The following BMPER variants were observed in gnomAD, a reference collection of about 807,000 sequenced individuals.
The protein encoded by BMPER is BMP binding endothelial regulator, also known as BMP-binding endothelial regulator protein.
Under a neutral mutation model 87.3 loss-of-function variants are expected in BMPER, and 45 were observed. That is an observed-to-expected ratio of 0.52 (90% CI 0.41 to 0.66). BMPER has a LOEUF of 0.66. Ranked by LOEUF, BMPER falls within the 30% of genes least tolerant of loss-of-function variation. The pLI, the probability that BMPER is intolerant of heterozygous loss-of-function variation, is 0.00. For synonymous variants in BMPER, 326 were observed against 316.2 expected, an observed-to-expected ratio of 1.03 and a Z score of -0.33; for missense variants, 784 against 867.5, an observed-to-expected ratio of 0.90 and a Z score of 1.21.
chr7:34,025,602 C>T (rs1419823029), intron 6 of BMPER, among the ~76,000 whole-genome samples: 3 of 151,920 alleles, frequency 2.0e-5, no homozygotes, highest in Non-Finnish European at 4.4e-5. Context: ...TTGTAGGTCT[C>T]GGATGCTAGG....
chr7:34,142,575 A>G (rs1360698936), intron 13 of BMPER, among the ~76,000 whole-genome samples: 1 of 152,232 alleles, frequency 6.6e-6, no homozygotes, highest in African/African-American at 2.4e-5. Flanking sequence ...TTCATCTTGC[A>G]GTCTAATTAG....
chr7:33,943,664 C>G (rs1784817901), intron 3 of BMPER, among the ~76,000 whole-genome samples: 2 of 152,184 alleles, frequency 1.3e-5, no homozygotes, highest in South Asian at 4.1e-4. Context: ...TTTCCCTCTT[C>G]CCTGAGAGTT....
intron 6 of BMPER, among the ~76,000 whole-genome samples, chr7:34,030,542 C>T (rs1787493506): frequency 6.6e-6 from 1 of 152,090 alleles, no homozygotes; most frequent in South Asian, 2.1e-4. Context: ...TGTCATGGAA[C>T]CACCGTTAAC....
At chr7:34,047,009 T>A (rs1272266757) in intron 7 of BMPER, among the ~76,000 whole-genome samples, 1 of 150,994 alleles carries the variant, frequency 6.6e-6, no homozygotes, top group African/African-American at 2.4e-5. Context: ...GTAATGAAGG[T>A]GCTATTATTA....
chr7:34,056,272 G>A (rs118072481), intron 9 of BMPER, among the ~76,000 whole-genome samples: 3,501 of 152,278 alleles, frequency 0.023, 51 homozygotes, highest in Non-Finnish European at 0.036. Flanking sequence ...TATTAGAAAG[G>A]ATGGCTAATG....
At chr7:33,960,382 AGTG>A (rs750974383) in intron 3 of BMPER, among the ~76,000 whole-genome samples, 12 of 152,192 alleles carry the variant, frequency 7.9e-5, no homozygotes, top group Non-Finnish European at 1.5e-4. Context: ...TCTGGAGAAC[AGTG>A]TCTGAAAAGT....
chr7:34,065,571 A>G (rs1788568043), intron 11 of BMPER, among the ~76,000 whole-genome samples: 2 of 152,310 alleles, frequency 1.3e-5, no homozygotes, highest in Admixed American at 6.5e-5. Flanking sequence ...GACCCTTGGC[A>G]CCTGTGGATT....
At chr7:34,065,477 A>T (rs774357334) in intron 11 of BMPER, among the ~76,000 whole-genome samples, 20 of 152,120 alleles carry the variant, frequency 1.3e-4, no homozygotes, top group Non-Finnish European at 2.8e-4. Context: ...GTTACCCCTC[A>T]TTGGGTGCCA....
intron 6 of BMPER, among the ~76,000 whole-genome samples, chr7:34,028,200 A>C (rs1057428056): frequency 6.6e-6 from 1 of 152,098 alleles, no homozygotes; most frequent in African/African-American, 2.4e-5. Flanking sequence ...TGAATGAAAC[A>C]AATAGGAAAA....
chr7:34,132,174 T>C (rs1467219256), intron 13 of BMPER, among the ~76,000 whole-genome samples: 1 of 152,146 alleles, frequency 6.6e-6, no homozygotes, highest in Non-Finnish European at 1.5e-5. Context: ...AGGCATGTTT[T>C]CTTCTCCTCT....
chr7:33,909,935 G>A (rs532683333), intron 2 of BMPER, among the ~76,000 whole-genome samples: 102 of 152,290 alleles, frequency 6.7e-4, no homozygotes, highest in African/African-American at 2.4e-3. Context: ...TGTAAGCAGA[G>A]CTGAATAATT....
At chr7:34,041,859 C>T (rs1014094540) in intron 6 of BMPER, among the ~76,000 whole-genome samples, 2 of 152,028 alleles carry the variant, frequency 1.3e-5, no homozygotes, top group Non-Finnish European at 2.9e-5. Context: ...AAGAGTGTAG[C>T]TGAGTCATTG....
chr7:34,034,363 C>G (rs1787607062), intron 6 of BMPER, among the ~76,000 whole-genome samples: 1 of 152,120 alleles, frequency 6.6e-6, no homozygotes, highest in Admixed American at 6.5e-5. Flanking sequence ...GATGGAGAGC[C>G]TTCCTAGAAA....
chr7:33,936,514 C>T (rs550483236), intron 2 of BMPER, among the ~76,000 whole-genome samples: 59 of 152,252 alleles, frequency 3.9e-4, no homozygotes, highest in African/African-American at 1.2e-3. Flanking sequence ...ATGTGGTCGC[C>T]GCTTGATAAA....
chr7:34,051,211 A>G (rs746769929), intron 7 of BMPER, among the ~76,000 whole-genome samples: 1 of 152,162 alleles, frequency 6.6e-6, no homozygotes, highest in Non-Finnish European at 1.5e-5. Context: ...ATCACCTTTC[A>G]AAAGCCCCAC....
intron 3 of BMPER, among the ~76,000 whole-genome samples, chr7:33,954,004 G>A (rs796194585): frequency 6.6e-5 from 10 of 152,298 alleles, no homozygotes; most frequent in African/African-American, 2.4e-4. Context: ...CTAGATAATA[G>A]CCCATGTATG....
intron 6 of BMPER, among the ~76,000 whole-genome samples, chr7:34,031,476 C>G (rs1015908707): frequency 6.6e-6 from 1 of 152,056 alleles, no homozygotes; most frequent in Admixed American, 6.6e-5. Context: ...TATGCAAATA[C>G]ATGGGTGATG....
chr7:34,012,133 A>G (rs1036890982), intron 6 of BMPER, among the ~76,000 whole-genome samples: 1 of 151,976 alleles, frequency 6.6e-6, no homozygotes, highest in Non-Finnish European at 1.5e-5. Context: ...GATTGTACAA[A>G]GGAGAATAGG....
chr7:34,142,531 A>G (rs868235497), intron 13 of BMPER, among the ~76,000 whole-genome samples: 1 of 152,206 alleles, frequency 6.6e-6, no homozygotes, highest in Admixed American at 6.5e-5. Context: ...CATCATTTCC[A>G]TATTTCAGCT....
Sources: allele counts gnomAD v4.1 joint callset (sites outside exome capture counted in the v4.1 genomes callset), GRCh38; gene constraint gnomAD v4.1.1; transcripts MANE v1.5; gene names NCBI Gene and HGNC (gene_info 2026-07-23, HGNC 2026-07-21).